COL15A1: variants seen among roughly 807,000 people sequenced by gnomAD.
COL15A1 encodes the protein collagen alpha-1(XV) chain.
In COL15A1, 111 loss-of-function variants were observed where a neutral mutation model predicts 165.9. That is an observed-to-expected ratio of 0.67 (90% CI 0.57 to 0.78). The LOEUF (loss-of-function observed/expected upper bound fraction) is 0.78, where lower values mean the gene tolerates loss of function less well. COL15A1 is among the 30% of genes least tolerant of loss of function. The pLI is 0.00. For synonymous variants in COL15A1, 659 were observed against 674.8 expected, an observed-to-expected ratio of 0.98 and a Z score of 0.36; for missense variants, 1,745 against 1,789.7, an observed-to-expected ratio of 0.98 and a Z score of 0.45.
At chr9:98,958,959 T>G (rs958289161) in intron 2 of COL15A1, among the ~76,000 whole-genome samples, 3 of 152,124 alleles carry the variant, frequency 2.0e-5, no homozygotes, top group Non-Finnish European at 4.4e-5. Flanking sequence ...GTGGTTCCAT[T>G]TGAGACTGTG....
chr9:99,024,730 C>A (rs1839091196), intron 14 of COL15A1, 144 bp from the exon 15 acceptor site: 1 of 838,698 alleles, frequency 1.2e-6, no homozygotes, highest in Non-Finnish European at 1.8e-6. Context: ...TCTCACTGAG[C>A]CTTATTTTCC....
intron 2 of COL15A1, among the ~76,000 whole-genome samples, chr9:98,951,445 G>T (rs923726894): frequency 1.3e-5 from 2 of 152,204 alleles, no homozygotes; most frequent in Middle Eastern, 3.2e-3. Flanking sequence ...AGAGGACCCT[G>T]CCTTCCTCCA....
At chr9:99,050,362 A>G (rs1839567929) in intron 30 of COL15A1, among the ~76,000 whole-genome samples, 1 of 149,614 alleles carries the variant, frequency 6.7e-6, no homozygotes, top group African/African-American at 2.4e-5. Context: ...TTTTATGATA[A>G]TGAAACAAAC....
At chr9:99,055,224 C>T in intron 33 of COL15A1, 38 bp from the exon 34 acceptor site, 1 of 1,579,626 alleles carries the variant, frequency 6.3e-7, no homozygotes, top group Non-Finnish European at 8.7e-7. Flanking sequence ...GAGTTCATCC[C>T]ACTCTTACTG....
chr9:99,056,170 T>C lies in COL15A1; in HGVS notation c.3193-90T>C. 4 of 1,337,474 alleles carry C rather than the reference T, an allele frequency of 3.0e-6. No homozygotes were observed. The Admixed American group carries it at 6.7e-5, about 22-fold the overall frequency. The allele number at this position is 1,337,474 out of a possible 1,614,324, so 82.9% of individuals were successfully genotyped here. ...AATAACAATAGCTGGTGTTTATTGA[T>C]TTCTTTTAAATATTCTCATAAAAGG... On this transcript the variant is annotated intron_variant, in intron 34 of 41. Transcript: ENST00000375001.
rs754915213 is a variant in COL15A1, at chr9:98,997,128, T to C, written c.952+47T>C. 10 of 1,608,886 alleles carry C rather than the reference T, an allele frequency of 6.2e-6. No homozygotes were observed. In the African/African-American group the frequency reaches 6.7e-5, roughly 11 times the overall value. ...TACGTAGTGGCCTTTTATTGGGTGATTACTATGTGTCCAGCCGGGGCCATG... is the reference window on the plus strand; with the variant it reads ...TACGTAGTGGCCTTTTATTGGGTGACTACTATGTGTCCAGCCGGGGCCATG... On this transcript the variant is annotated intron_variant, in intron 6 of 41. Transcript: ENST00000375001.
At chr9:98,980,619 C>T (rs1838222109) in intron 2 of COL15A1, among the ~76,000 whole-genome samples, 1 of 152,192 alleles carries the variant, frequency 6.6e-6, no homozygotes, top group Non-Finnish European at 1.5e-5. Context: ...CTGGTCAGCC[C>T]TGGCCCTGAG....
Position 99,062,309 on chromosome 9 carries a change from G to A in COL15A1, c.3591+5G>A. ...CCCCCTGCGCTTTCCAGCAACGTGA[G>A]TAGTTACCCTGTTGGACTGCTCATG... On this transcript the variant is annotated splice_donor_5th_base_variant and intron_variant, in intron 38 of 41. Coordinates refer to ENST00000375001, the MANE Select transcript of COL15A1 (RefSeq NM_001855.5). 6.2e-7 allele frequency: 1 copy of A among 1,605,288 alleles called. No individual in the cohort carries two copies. The highest frequency in any genetic ancestry group is 8.5e-7 in the Non-Finnish European group (1 of 1,171,836).
intron 2 of COL15A1, among the ~76,000 whole-genome samples, chr9:98,947,740 C>A (rs1391369873): frequency 6.6e-6 from 1 of 152,158 alleles, no homozygotes; most frequent in Non-Finnish European, 1.5e-5. Context: ...TCGACTCTCC[C>A]TACTATCCCT....
chr9:99,034,637 C>G lies in COL15A1; in HGVS notation c.2079+53C>G, dbSNP rs1433653548. ...AAAGAACTTTCTTCTCCCTCCTCCC[C>G]TTTCTTTGAGTTTACTATAATTGGA... is the stretch of plus-strand genomic sequence containing the variant. On this transcript the variant is annotated intron_variant, in intron 17 of 41. Coordinates refer to ENST00000375001, the MANE Select transcript of COL15A1 (RefSeq NM_001855.5). The G allele has an allele frequency of 6.9e-6, 4 of 583,452 alleles. No individual in the cohort carries two copies. The East Asian group carries it at 2.1e-4, about 31-fold the overall frequency. The allele number at this position is 583,452 out of a possible 1,614,324, so 36.1% of individuals were successfully genotyped here.
chr9:98,944,202 T>C lies in COL15A1; in HGVS notation c.52T>C (p.Ser18Pro). 1 of 1,614,074 alleles carries C rather than the reference T, an allele frequency of 6.2e-7. No homozygotes were observed. Among genetic ancestry groups the C allele is most frequent in the Non-Finnish European group, 8.5e-7 (1 of 1,179,972 alleles). The change falls in exon 2 of 42, where the codon TCG (serine) becomes CCG (proline). Residue 18 changes from serine (S) to proline (P), a missense_variant. Ser to Pro is a moderately conservative substitution (Grantham distance 74). Coordinates refer to ENST00000375001, the MANE Select transcript of COL15A1 (RefSeq NM_001855.5). Reference protein sequence around the residue: ...GQCWCLLMLLSVSTPLPAVTQ... With the variant: ...GQCWCLLMLLPVSTPLPAVTQ... ...GTGCTGGTGTCTGCTGATGCTGCTC[T>C]CGGTCTCCACGCCCCTCCCTGCTGT... is the stretch of plus-strand genomic sequence containing the variant.
intron 12 of COL15A1, 55 bp from the exon 13 acceptor site, chr9:99,022,036 G>A: frequency 6.2e-7 from 1 of 1,604,016 alleles, no homozygotes; most frequent in Non-Finnish European, 8.5e-7. Context: ...CAGAAAGGTG[G>A]GGAGATGGTA....
At chr9:99,022,199 A>T (rs1243191714) in intron 13 of COL15A1, 49 bp downstream of exon 13, 2 of 1,612,132 alleles carry the variant, frequency 1.2e-6, no homozygotes, top group East Asian at 2.2e-5. Flanking sequence ...AAGACCAGGG[A>T]TGCGGCCAAA....
intron 36 of COL15A1, 87 bp from the exon 37 acceptor site, chr9:99,061,884 A>G (rs1825821137): frequency 6.9e-7 from 1 of 1,440,054 alleles, no homozygotes; most frequent in Non-Finnish European, 9.4e-7. Flanking sequence ...GACGGCTCCT[A>G]GTTGACTTTA....
chr9:99,011,868 G>A (rs75497687), intron 9 of COL15A1, among the ~76,000 whole-genome samples: 3,914 of 152,248 alleles, frequency 0.026, 110 homozygotes, highest in East Asian at 0.14. Flanking sequence ...CCATTTTATA[G>A]CCTGTGAATT....
chr9:99,054,298 G>A (rs1406071873), intron 31 of COL15A1, among the ~76,000 whole-genome samples: 3 of 152,310 alleles, frequency 2.0e-5, no homozygotes, highest in South Asian at 2.1e-4. Context: ...CACGGGATGC[G>A]CTGCTGGAAC....
At chr9:99,033,482 T>C (rs11792253) in intron 16 of COL15A1, among the ~76,000 whole-genome samples, 20,144 of 152,224 alleles carry the variant, frequency 0.13, 1,555 homozygotes, top group East Asian at 0.24. Flanking sequence ...GGCCACATCA[T>C]GCACCTGACT....
chr9:99,015,963 G>A lies in COL15A1; in HGVS notation c.1504-13G>A, dbSNP rs1345367786. 2.5e-6 allele frequency: 4 copies of A among 1,612,230 alleles called. No individual in the cohort carries two copies. The highest frequency in any genetic ancestry group is 2.2e-5 in the East Asian group (1 of 44,858). ...GAGGTGAGGTGGTGCCTTAATGCTG[G>A]TTTTGTTTTCAGGGTCCTGGTGATG... On this transcript the variant is annotated splice_polypyrimidine_tract_variant and intron_variant, in intron 10 of 41. Transcript: ENST00000375001.
intron 9 of COL15A1, among the ~76,000 whole-genome samples, chr9:99,009,072 C>A (rs1001664308): frequency 6.6e-6 from 1 of 152,212 alleles, no homozygotes; most frequent in Admixed American, 6.5e-5. Flanking sequence ...TATTCATGAA[C>A]ATTTCAGCTC....
Sources: gnomAD v4.1 joint callset for allele counts (sites outside exome capture counted in the v4.1 genomes callset) on GRCh38, gnomAD v4.1.1 for gene constraint, MANE v1.5 for transcripts, NCBI Gene and HGNC (gene_info 2026-07-23, HGNC 2026-07-21) for gene names.